Variants in NBPF20 observed in about 807,000 individuals in gnomAD.
The protein encoded by NBPF20 is NBPF member 20, also known as NBPF family member NBPF20.
A neutral mutation model predicts 68.1 loss-of-function variants in NBPF20; 90 were observed. The observed-to-expected ratio is 1.32, with a 90% CI of 1.11 to 1.58. The LOEUF (loss-of-function observed/expected upper bound fraction) is 1.58, where lower values mean the gene tolerates loss of function less well. Among genes scored for constraint, NBPF20 ranks in the 40% most tolerant of loss-of-function variants. The probability of loss-of-function intolerance (pLI) is 0.00; values close to 1 mark genes in which losing one functional copy is unlikely to be tolerated. For synonymous variants in NBPF20, 290 were observed against 228.1 expected, an observed-to-expected ratio of 1.27 and a Z score of -2.45; for missense variants, 816 against 601.2, an observed-to-expected ratio of 1.36 and a Z score of -3.74.
the NBPF20 span, among the ~76,000 whole-genome samples, chr1:145,425,376 G>C: frequency 2.0e-5 from 3 of 152,054 alleles, no homozygotes; most frequent in Non-Finnish European, 4.4e-5. Flanking sequence ...GGTGGACTTC[G>C]CTGTAAACCG....
chr1:145,397,919 G>C (rs1421119899), intron 7 of NBPF20, among the ~76,000 whole-genome samples: 1 of 151,978 alleles, frequency 6.6e-6, no homozygotes, highest in Admixed American at 6.6e-5. Flanking sequence ...AACAAAAAAA[G>C]GCAGGGGTTG....
intron 61 of NBPF20, among the ~76,000 whole-genome samples, chr1:145,352,449 GA>G (rs1661666324): frequency 6.4e-5 from 1 of 15,666 alleles, no homozygotes; most frequent in African/African-American, 2.8e-4. Context: ...CAGGGATCAT[GA>G]AAAGACTGTG....
At chr1:145,312,297 C>A in exon 112 of NBPF20, 1 of 121,344 alleles carries the variant, frequency 8.2e-6, no homozygotes, top group Non-Finnish European at 1.4e-5. Flanking sequence ...CAGTTCAAGA[C>A]AACCTGAAGG....
At chr1:145,407,286 G>C (rs1662831832), upstream of NBPF20, among the ~76,000 whole-genome samples, 1 of 147,076 alleles carries the variant, frequency 6.8e-6, no homozygotes, top group African/African-American at 2.5e-5. Context: ...CATGGGGTGA[G>C]GGCTGGGGGA....
rs1255625541 is a variant in NBPF20 at position 145,393,734 on chromosome 1, T to C, written c.1043+150A>G. 5.3e-6 allele frequency: 8 copies of C among 1,510,140 alleles called. No homozygotes were observed. The African/African-American group carries it at 1.1e-4, about 21-fold the overall frequency. The allele number at this position is 1,510,140 out of a possible 1,614,324, so 93.5% of individuals were successfully genotyped here. A position where few individuals can be genotyped will look rare whatever the true frequency, so the allele number is the denominator to read the frequency against. On this transcript the variant is annotated intron_variant, in intron 9 of 137. Coordinates refer to ENST00000369373, the Ensembl canonical transcript of NBPF20. ...AAGAAATGGAAACCTAAACATGTACTCTAATGAGAACCAGAAAGCAATGTA... is the reference window on the plus strand; with the variant it reads ...AAGAAATGGAAACCTAAACATGTACCCTAATGAGAACCAGAAAGCAATGTA...
intron 6 of NBPF20, among the ~76,000 whole-genome samples, chr1:145,399,474 C>A (rs1288853826): frequency 6.6e-6 from 1 of 151,142 alleles, no homozygotes; most frequent in African/African-American, 2.4e-5. Flanking sequence ...GGCATCTATA[C>A]ATGAAACACG....
exon 138 of NBPF20, chr1:145,291,325 C>A (rs587662557): frequency 5.1e-6 from 4 of 788,514 alleles, no homozygotes; most frequent in Admixed American, 2.7e-5. Flanking sequence ...GTTATGTGAA[C>A]GTGTCACACC....
intron 8 of NBPF20, among the ~76,000 whole-genome samples, chr1:145,394,186 G>C (rs1191028922): frequency 6.6e-6 from 1 of 152,100 alleles, no homozygotes; most frequent in African/African-American, 2.4e-5. Context: ...CTAGGCTTCT[G>C]TACACAAATG....
At chr1:145,405,728 A>G (rs1662747346), upstream of NBPF20, 2 of 485,770 alleles carry the variant, frequency 4.1e-6, no homozygotes, top group Non-Finnish European at 7.2e-6. Context: ...GTATTCGTGT[A>G]CCCTTGTGAC....
the NBPF20 span, among the ~76,000 whole-genome samples, chr1:145,424,670 G>C: frequency 6.6e-6 from 1 of 152,138 alleles, no homozygotes; most frequent in African/African-American, 2.4e-5. Context: ...TTAACTCTTC[G>C]GAGAAAGGAC....
chr1:145,408,065 G>T, upstream of NBPF20: 1 of 178,398 alleles, frequency 5.6e-6, no homozygotes, highest in South Asian at 1.3e-4. Context: ...TTGTCACCAT[G>T]ACTGCCAAGA....
chr1:145,401,385 G>T (rs1305262663), intron 4 of NBPF20, among the ~76,000 whole-genome samples: 1 of 129,114 alleles, frequency 7.7e-6, no homozygotes, highest in Non-Finnish European at 1.7e-5. Flanking sequence ...ATCACTGGAG[G>T]CTTGTGCAGC....
intron 112 of NBPF20, among the ~76,000 whole-genome samples, chr1:145,311,880 G>T (rs1445789628): frequency 8.9e-6 from 1 of 112,526 alleles, no homozygotes; most frequent in Non-Finnish European, 1.8e-5. Context: ...GCTGAAATTA[G>T]AGTGAAGGAT....
chr1:145,399,742 A>G (rs1229378722), intron 6 of NBPF20, among the ~76,000 whole-genome samples: 4 of 130,206 alleles, frequency 3.1e-5, no homozygotes, highest in Non-Finnish European at 6.4e-5. Flanking sequence ...GTGCCACTGC[A>G]CTCCAGCCTG....
intron 136 of NBPF20, 52 bp from the exon 142 acceptor site, chr1:145,292,541 C>A (rs587650138): frequency 1.6e-5 from 11 of 696,030 alleles, no homozygotes; most frequent in African/African-American, 1.0e-4. Context: ...CCCCTACACA[C>A]ATAACAATCC....
At chr1:145,366,490 G>A (rs1661694537) in intron 43 of NBPF20, 138 bp from the exon 49 acceptor site, 2 of 261,702 alleles carry the variant, frequency 7.6e-6, no homozygotes, top group African/African-American at 1.2e-4. Flanking sequence ...ACAAATTATT[G>A]CCTTCATGTT....
the NBPF20 span, among the ~76,000 whole-genome samples, chr1:145,414,898 C>T: frequency 6.6e-6 from 1 of 150,900 alleles, no homozygotes; most frequent in African/African-American, 2.4e-5. Context: ...CCCCTCCACA[C>T]CTGTGGGCGT....
intron 112 of NBPF20, among the ~76,000 whole-genome samples, chr1:145,311,797 A>C (rs1661488311): frequency 1.1e-5 from 1 of 88,052 alleles, no homozygotes; most frequent in Non-Finnish European, 2.1e-5. Context: ...AATGGTTGCT[A>C]GGAGAAAAAC....
chr1:145,291,645 A>C (rs782023126), exon 138 of NBPF20: 5 of 1,611,952 alleles, frequency 3.1e-6, no homozygotes, highest in Admixed American at 1.7e-5. Flanking sequence ...AATGAGTAAA[A>C]CACACTTCTG....
Sources: gnomAD v4.1 joint callset for allele counts (sites outside exome capture counted in the v4.1 genomes callset) on GRCh38, gnomAD v4.1.1 for gene constraint, MANE v1.5 for transcripts, NCBI Gene and HGNC (gene_info 2026-07-23, HGNC 2026-07-21) for gene names.